CNTLN: variants seen among roughly 807,000 people sequenced by gnomAD.
CNTLN encodes the protein centlein, also known as centlein, centrosomal protein.
CNTLN carries 212 observed loss-of-function variants against 180.0 expected under a neutral mutation model. The ratio of observed to expected loss-of-function variants is 1.18; its 90% CI spans 1.05 to 1.32. The LOEUF (loss-of-function observed/expected upper bound fraction) is 1.32. Among genes scored for constraint, CNTLN ranks in the 40% most tolerant of loss-of-function variants. CNTLN has a pLI of 0.00. For synonymous variants in CNTLN, 722 were observed against 563.1 expected, an observed-to-expected ratio of 1.28 and a Z score of -3.99; for missense variants, 2,095 against 1,610.9, an observed-to-expected ratio of 1.30 and a Z score of -5.14.
chr9:17,226,649 A>G (rs1224130846), intron 3 of CNTLN, among the ~76,000 whole-genome samples: 1 of 152,012 alleles, frequency 6.6e-6, no homozygotes, highest in Admixed American at 6.6e-5. Context: ...TTGAGATCCT[A>G]TTATTTACAC....
chr9:17,492,434 C>G (rs1833216565), intron 25 of CNTLN, among the ~76,000 whole-genome samples: 1 of 152,088 alleles, frequency 6.6e-6, no homozygotes, highest in African/African-American at 2.4e-5. Context: ...TTATTAACAG[C>G]TAATTCAATT....
At chr9:17,182,464 A>G (rs114839008) in intron 2 of CNTLN, among the ~76,000 whole-genome samples, 274 of 152,220 alleles carry the variant, frequency 1.8e-3, no homozygotes, top group African/African-American at 5.9e-3. Context: ...TTTATTTTAT[A>G]TGTAGTATTC....
intron 12 of CNTLN, among the ~76,000 whole-genome samples, chr9:17,343,640 G>C (rs1418679061): frequency 6.6e-6 from 1 of 152,064 alleles, no homozygotes; most frequent in East Asian, 1.9e-4. Flanking sequence ...TTGTCTCAGA[G>C]GCATTTCCTA....
chr9:17,283,399 G>A (rs1308611959), intron 6 of CNTLN, among the ~76,000 whole-genome samples: 1 of 152,058 alleles, frequency 6.6e-6, no homozygotes, highest in Non-Finnish European at 1.5e-5. Flanking sequence ...CTCTCTGCTT[G>A]TCTATTGTTA....
At chr9:17,446,601 A>G (rs1830440669) in intron 18 of CNTLN, among the ~76,000 whole-genome samples, 1 of 152,190 alleles carries the variant, frequency 6.6e-6, no homozygotes, top group Non-Finnish European at 1.5e-5. Flanking sequence ...TTTATCTTAT[A>G]AAATTTAAAT....
chr9:17,436,244 C>T (rs1829769487), intron 18 of CNTLN, among the ~76,000 whole-genome samples: 1 of 152,028 alleles, frequency 6.6e-6, no homozygotes, highest in South Asian at 2.1e-4. Flanking sequence ...TCTCTGATTT[C>T]TTGATGAATT....
chr9:17,326,014 A>G (rs1820265674), intron 8 of CNTLN, among the ~76,000 whole-genome samples: 1 of 152,110 alleles, frequency 6.6e-6, no homozygotes, highest in Admixed American at 6.5e-5. Context: ...TATAATTTAA[A>G]AAATAGTAAT....
intron 16 of CNTLN, among the ~76,000 whole-genome samples, chr9:17,415,477 C>T (rs1828153635): frequency 6.6e-6 from 1 of 152,100 alleles, no homozygotes; most frequent in Admixed American, 6.5e-5. Context: ...GTATCTTCTG[C>T]CTGCTGGTTT....
At chr9:17,433,276 C>G (rs972741541) in intron 18 of CNTLN, among the ~76,000 whole-genome samples, 14 of 151,282 alleles carry the variant, frequency 9.3e-5, no homozygotes, top group African/African-American at 3.2e-4. Context: ...AAGTTTTCTT[C>G]TATTTTTAGC....
At chr9:17,195,213 A>T (rs1400861936) in intron 2 of CNTLN, among the ~76,000 whole-genome samples, 2 of 152,230 alleles carry the variant, frequency 1.3e-5, no homozygotes, top group African/African-American at 4.8e-5. Flanking sequence ...AAGGTGTTTC[A>T]TGATGAGCTC....
At chr9:17,360,404 G>C (rs924670748) in intron 12 of CNTLN, among the ~76,000 whole-genome samples, 1 of 152,134 alleles carries the variant, frequency 6.6e-6, no homozygotes, top group African/African-American at 2.4e-5. Flanking sequence ...TTAGTAAGAG[G>C]AAACATCAGT....
intron 8 of CNTLN, among the ~76,000 whole-genome samples, chr9:17,327,966 A>C (rs913564685): frequency 1.3e-5 from 2 of 152,164 alleles, no homozygotes; most frequent in Admixed American, 1.3e-4. Context: ...AAAAGAAAAA[A>C]AAAAGCATTT....
At chr9:17,488,186 T>C (rs1368345013) in intron 25 of CNTLN, among the ~76,000 whole-genome samples, 3 of 152,160 alleles carry the variant, frequency 2.0e-5, no homozygotes, top group African/African-American at 7.2e-5. Flanking sequence ...CAATTCATGT[T>C]AGTATCAGTT....
chr9:17,516,724 G>A, the CNTLN span, among the ~76,000 whole-genome samples: 16 of 152,272 alleles, frequency 1.1e-4, no homozygotes, highest in African/African-American at 3.9e-4. Flanking sequence ...CTCTCACATA[G>A]ACGGGTGGAA....
intron 5 of CNTLN, among the ~76,000 whole-genome samples, chr9:17,263,125 T>C (rs1198948864): frequency 1.3e-5 from 2 of 150,676 alleles, no homozygotes; most frequent in Admixed American, 6.6e-5. Context: ...ATGTGCCATG[T>C]TGGTGTGCTG....
chr9:17,493,865 A>T (rs1833301419), intron 25 of CNTLN, among the ~76,000 whole-genome samples: 1 of 152,198 alleles, frequency 6.6e-6, no homozygotes, highest in South Asian at 2.1e-4. Flanking sequence ...CCTTATATTG[A>T]CCAGAACTCT....
intron 2 of CNTLN, among the ~76,000 whole-genome samples, chr9:17,178,018 T>G (rs577352049): frequency 3.3e-5 from 5 of 149,454 alleles, no homozygotes; most frequent in African/African-American, 1.3e-4. Flanking sequence ...TAGCTAGATA[T>G]AGAGTGTTGA....
intron 12 of CNTLN, among the ~76,000 whole-genome samples, chr9:17,361,748 A>G (rs979976084): frequency 3.3e-5 from 5 of 152,222 alleles, no homozygotes; most frequent in African/African-American, 9.6e-5. Context: ...TCAGGCAGAA[A>G]TCGAGCCATC....
At chr9:17,376,048 T>C (rs1438753851) in intron 13 of CNTLN, among the ~76,000 whole-genome samples, 3 of 152,220 alleles carry the variant, frequency 2.0e-5, no homozygotes, top group African/African-American at 7.2e-5. Flanking sequence ...GTTGCTCCAA[T>C]GCTCGCATTC....
Sources: allele counts gnomAD v4.1 joint callset (sites outside exome capture counted in the v4.1 genomes callset), GRCh38; gene constraint gnomAD v4.1.1; transcripts MANE v1.5; gene names NCBI Gene and HGNC (gene_info 2026-07-23, HGNC 2026-07-21).